SNX29: variants seen among roughly 807,000 people sequenced by gnomAD.
The protein encoded by SNX29 is sorting nexin 29, also known as sorting nexin-29.
Under a neutral mutation model 102.1 loss-of-function variants are expected in SNX29, and 78 were observed. That is an observed-to-expected ratio of 0.76 (90% CI 0.64 to 0.92). The LOEUF is 0.92. Ranked by LOEUF, SNX29 falls within the 40% of genes least tolerant of loss-of-function variation. The pLI is 0.00. For missense variants in SNX29, 1,280 were observed against 1,061.7 expected (o/e 1.21, Z -2.86); for synonymous variants, 580 against 414.5 (o/e 1.40, Z -4.85).
At chr16:12,504,630 A>T (rs77918003) in intron 19 of SNX29, among the ~76,000 whole-genome samples, 4,394 of 152,370 alleles carry the variant, frequency 0.029, 86 homozygotes, top group East Asian at 0.07. Flanking sequence ...AGTACAGTAC[A>T]GTAAGATATT....
intron 17 of SNX29, among the ~76,000 whole-genome samples, chr16:12,402,679 G>A (rs7199093): frequency 0.021 from 3,266 of 152,274 alleles, 109 homozygotes; most frequent in African/African-American, 0.067. Flanking sequence ...TGCCTCACCT[G>A]GCCCACGCGA....
At chr16:12,002,893 G>A in intron 2 of SNX29, 98 bp from the exon 3 acceptor site, 1 of 1,373,100 alleles carries the variant, frequency 7.3e-7, no homozygotes, top group Non-Finnish European at 1.0e-6. Context: ...CTGGTCCCGT[G>A]TCCCCTCCCT....
intron 20 of SNX29, among the ~76,000 whole-genome samples, chr16:12,525,687 A>T (rs1206393254): frequency 8.5e-6 from 1 of 117,508 alleles, no homozygotes; most frequent in African/African-American, 3.4e-5. Flanking sequence ...GCAAGACTCC[A>T]CGCCCCCCCC....
In SNX29 at chr16:12,414,522, G is replaced by A. The variant is rs1194727516; in HGVS notation, c.2037+10993G>A. On this transcript the variant is annotated intron_variant, in intron 18 of 20. Coordinates refer to ENST00000566228, the MANE Select transcript of SNX29 (RefSeq NM_032167.5). ...GTTACAGAAACAAAAACATGAAGAA[G>A]AGGAACTTGCTAAGCTACTGATCTG... is the stretch of plus-strand genomic sequence containing the variant. Among the ~76,000 whole-genome samples the A allele has an allele frequency of 1.3e-5, 2 of 152,136 alleles. 1 individual carries two copies. Among genetic ancestry groups the A allele is most frequent in the Middle Eastern group, 6.3e-3 (2 of 316 alleles).
chr16:12,570,175 A>G lies in SNX29; in HGVS notation c.*1546A>G. ...CACACAGCGCCCCCCCACCCCAGAGAAACCGAGTCAGCCTACATGACTTCC... is the reference window on the plus strand; with the variant it reads ...CACACAGCGCCCCCCCACCCCAGAGGAACCGAGTCAGCCTACATGACTTCC... On this transcript the variant is annotated 3_prime_UTR_variant, in exon 21 of 21. Transcript: ENST00000566228. 2 of 1,064,738 alleles carry G rather than the reference A, an allele frequency of 1.9e-6. No individual in the cohort carries two copies. Among genetic ancestry groups the G allele is most frequent in the Non-Finnish European group, 2.3e-6 (2 of 878,774 alleles). The allele number at this position is 1,064,738 out of a possible 1,614,324, so 66.0% of individuals were successfully genotyped here.
At chr16:12,211,475 G>C (rs905552613) in intron 14 of SNX29, among the ~76,000 whole-genome samples, 4 of 152,152 alleles carry the variant, frequency 2.6e-5, no homozygotes, top group Non-Finnish European at 5.9e-5. Context: ...TTTTACAGAT[G>C]TGAGAAACCA....
intron 3 of SNX29, among the ~76,000 whole-genome samples, chr16:12,017,851 T>C (rs2056895955): frequency 6.6e-6 from 1 of 152,162 alleles, no homozygotes. Flanking sequence ...ACCATTATTA[T>C]AGATAAAATG....
chr16:12,425,670 A>G (rs1182805337), intron 18 of SNX29, among the ~76,000 whole-genome samples: 3 of 152,208 alleles, frequency 2.0e-5, no homozygotes, highest in South Asian at 2.1e-4. Context: ...ATCCCAGGGC[A>G]GCCTGGGCCA....
intron 16 of SNX29, chr16:12,366,934 C>T (rs2082508092): frequency 6.6e-6 from 1 of 152,120 alleles, no homozygotes; most frequent in African/African-American, 2.4e-5. Flanking sequence ...CCCTTCCCTT[C>T]CACTCTCCCA....
At chr16:12,025,316 A>AAAAAAG (rs2057158760) in intron 3 of SNX29, among the ~76,000 whole-genome samples, 1 of 151,344 alleles carries the variant, frequency 6.6e-6, no homozygotes, top group African/African-American at 2.4e-5. Context: ...AAAAAAAAAA[A>AAAAAAG]AAAAAAAAGT....
At chr16:12,312,592 C>T (rs867930129) in intron 15 of SNX29, among the ~76,000 whole-genome samples, 2 of 151,976 alleles carry the variant, frequency 1.3e-5, no homozygotes, top group African/African-American at 4.8e-5. Flanking sequence ...CAGGGGGTCT[C>T]GCATTTCTTG....
intron 13 of SNX29, among the ~76,000 whole-genome samples, chr16:12,149,650 C>T (rs1228224413): frequency 6.6e-6 from 1 of 152,158 alleles, no homozygotes; most frequent in African/African-American, 2.4e-5. Context: ...CCTCTGTGAG[C>T]CTCCGTGTTT....
At chr16:11,992,064 G>T (rs755787339) in intron 1 of SNX29, among the ~76,000 whole-genome samples, 1 of 152,142 alleles carries the variant, frequency 6.6e-6, no homozygotes, top group Non-Finnish European at 1.5e-5. Flanking sequence ...AGGGACTGAG[G>T]CAGGAGGATC....
intron 4 of SNX29, among the ~76,000 whole-genome samples, chr16:12,037,504 A>G (rs2057509239): frequency 6.6e-6 from 1 of 152,122 alleles, no homozygotes; most frequent in Non-Finnish European, 1.5e-5. Flanking sequence ...TGTAATATTA[A>G]AAAAAACGAA....
intron 18 of SNX29, among the ~76,000 whole-genome samples, chr16:12,444,849 T>G (rs1044513063): frequency 1.3e-5 from 2 of 150,012 alleles, no homozygotes; most frequent in Non-Finnish European, 3.0e-5. Flanking sequence ...TTTGTTTTTT[T>G]TTTTTTTTGA....
intron 13 of SNX29, among the ~76,000 whole-genome samples, chr16:12,198,014 A>G (rs2076820686): frequency 6.6e-6 from 1 of 152,154 alleles, no homozygotes; most frequent in Non-Finnish European, 1.5e-5. Context: ...TGGCGTATCT[A>G]TAGTAGTGGG....
intron 15 of SNX29, among the ~76,000 whole-genome samples, chr16:12,353,377 T>C (rs1242604617): frequency 6.6e-6 from 1 of 152,212 alleles, no homozygotes; most frequent in Non-Finnish European, 1.5e-5. Context: ...TCTCATCCAC[T>C]GGGAACTTAT....
At chr16:12,353,568 C>A (rs138141309) in intron 15 of SNX29, among the ~76,000 whole-genome samples, 7 of 152,318 alleles carry the variant, frequency 4.6e-5, no homozygotes, top group African/African-American at 1.4e-4. Context: ...CACCAAGGCC[C>A]GATGCCTGAA....
At chr16:12,053,618 A>G (rs1737670704) in intron 8 of SNX29, among the ~76,000 whole-genome samples, 1 of 151,908 alleles carries the variant, frequency 6.6e-6, no homozygotes, top group South Asian at 2.1e-4. Context: ...GCTGCAGTAT[A>G]CCCTTAGCCC....
Sources: gnomAD v4.1 joint callset for allele counts (sites outside exome capture counted in the v4.1 genomes callset) on GRCh38, gnomAD v4.1.1 for gene constraint, MANE v1.5 for transcripts, NCBI Gene and HGNC (gene_info 2026-07-23, HGNC 2026-07-21) for gene names.